FYB1: variants seen among roughly 807,000 people sequenced by gnomAD.
FYB1 encodes FYN-binding protein 1.
Under a neutral mutation model 94.1 loss-of-function variants are expected in FYB1, and 41 were observed. The ratio of observed to expected loss-of-function variants is 0.44; its 90% CI spans 0.34 to 0.57. The LOEUF is 0.57. Among genes scored for constraint, FYB1 ranks in the 20% least tolerant of loss-of-function variants. The pLI, the probability that FYB1 is intolerant of heterozygous loss-of-function variation, is 0.02. For missense variants in FYB1, 1,050 were observed against 976.8 expected (o/e 1.07, Z -1.00); for synonymous variants, 367 against 353.2 (o/e 1.04, Z -0.44).
At chr5:39,170,603 C>T (rs1332288573) in intron 2 of FYB1, among the ~76,000 whole-genome samples, 1 of 152,208 alleles carries the variant, frequency 6.6e-6, no homozygotes, top group South Asian at 2.1e-4. Context: ...TATCTGGACT[C>T]TTAACAGTAG....
chr5:39,258,852 C>T (rs1752090902), intron 1 of FYB1, among the ~76,000 whole-genome samples: 1 of 152,082 alleles, frequency 6.6e-6, no homozygotes, highest in Non-Finnish European at 1.5e-5. Flanking sequence ...AGGCACAAGG[C>T]AATGAGTGAG....
chr5:39,153,300 G>T, intron 3 of FYB1, 148 bp downstream of exon 3: 1 of 929,384 alleles, frequency 1.1e-6, no homozygotes, highest in Non-Finnish European at 1.7e-6. Context: ...GGCCAGCTCG[G>T]CCAGCTCAGC....
At chr5:39,141,673 A>C (rs1742196956) in intron 3 of FYB1, among the ~76,000 whole-genome samples, 1 of 152,134 alleles carries the variant, frequency 6.6e-6, no homozygotes. Context: ...TTTGACATAA[A>C]ACCAATGATA....
chr5:39,191,106 T>C (rs1022199417), intron 2 of FYB1, among the ~76,000 whole-genome samples: 1 of 152,158 alleles, frequency 6.6e-6, no homozygotes, highest in African/African-American at 2.4e-5. Flanking sequence ...TACTCAAACA[T>C]GGTATGGATG....
chr5:39,244,218 C>G (rs1010855716), intron 1 of FYB1, among the ~76,000 whole-genome samples: 4 of 152,018 alleles, frequency 2.6e-5, no homozygotes, highest in Non-Finnish European at 5.9e-5. Context: ...CTGTCTTGTG[C>G]CAGTTTTCAA....
chr5:39,119,142 A>G lies in FYB1; in HGVS notation c.2239-106T>C, dbSNP rs16868122. The G allele has an allele frequency of 0.014, 7,539 of 540,784 alleles. 487 individuals carry two copies. The highest frequency in any genetic ancestry group is 0.13 in the African/African-American group (6,764 of 51,046). 33.5% of individuals were successfully genotyped at this position (540,784 alleles called of 1,614,324 possible). On this transcript the variant is annotated intron_variant, in intron 15 of 18. Transcript: ENST00000512982. ...AAGTTATTTGCTAAAGAGATAATTCAGTGTTTTCGAAATATAATGTAGGAA... is the reference window on the plus strand; with the variant it reads ...AAGTTATTTGCTAAAGAGATAATTCGGTGTTTTCGAAATATAATGTAGGAA...
rs554637195 is a variant in FYB1, at chr5:39,162,101, G to GTTGT, written c.1136-8501_1136-8498dup. On this transcript the variant is annotated intron_variant, in intron 2 of 18. Coordinates refer to ENST00000512982, the MANE Select transcript of FYB1 (RefSeq NM_001465.6). ...CATTCATCAGTTGATGAACATTTAA[G>GTTGT]TTGTTTCTATCTTCTGCCTGTTATA... 2.2e-3 allele frequency among the ~76,000 whole-genome samples: 334 copies of GTTGT among 152,208 alleles called. 2 individuals carry two copies. The highest frequency in any genetic ancestry group is 1.9e-3 in the Non-Finnish European group (130 of 68,004).
At chr5:39,250,900 A>T (rs1484146031) in intron 1 of FYB1, 1 of 152,228 alleles carries the variant, frequency 6.6e-6, no homozygotes, top group Non-Finnish European at 1.5e-5. Context: ...ACCATTCTTC[A>T]TACATACAAA....
In FYB1 at chr5:39,141,277, C is replaced by T; in HGVS notation, c.1293-136G>A. 3.0e-6 allele frequency: 2 copies of T among 663,316 alleles called. 1 individual carries two copies. The highest frequency in any genetic ancestry group is 3.8e-5 in the South Asian group (2 of 52,138). The allele number at this position is 663,316 out of a possible 1,614,324, so 41.1% of individuals were successfully genotyped here. On this transcript the variant is annotated intron_variant, in intron 3 of 18. Coordinates refer to ENST00000512982, the MANE Select transcript of FYB1 (RefSeq NM_001465.6). ...CTCTGATTTAAAGCTTCAGACATCA[C>T]TAGCATAGGCTTTAGCCTTATACTT... is the stretch of plus-strand genomic sequence containing the variant.
At chr5:39,219,600 C>G, upstream of FYB1, 2 of 985,288 alleles carry the variant, frequency 2.0e-6, no homozygotes, top group Non-Finnish European at 1.2e-6. Flanking sequence ...TTGTCCCGGT[C>G]AGTGGTTGAG....
At chr5:39,237,464 C>A (rs544158070) in intron 1 of FYB1, among the ~76,000 whole-genome samples, 3 of 151,980 alleles carry the variant, frequency 2.0e-5, no homozygotes, top group South Asian at 2.1e-4. Context: ...AACATTCTAA[C>A]CTTCATCAAG....
chr5:39,231,170 A>C (rs1367597269), intron 1 of FYB1, among the ~76,000 whole-genome samples: 1 of 135,704 alleles, frequency 7.4e-6, no homozygotes, highest in Non-Finnish European at 1.5e-5. Context: ...AACAAAAAAA[A>C]ACAAAAAAAA....
Position 39,202,321 on chromosome 5 carries a change from T to C in FYB1, c.640A>G (p.Ser214Gly). The C allele has an allele frequency of 6.2e-7, 1 of 1,613,832 alleles. No individual in the cohort carries two copies. Among genetic ancestry groups the C allele is most frequent in the Non-Finnish European group, 8.5e-7 (1 of 1,179,838 alleles). Residue 214 changes from serine to glycine, a missense_variant, in exon 2 of 19, where the codon AGC (serine) becomes GGC (glycine). Ser to Gly is a moderately conservative substitution (Grantham distance 56). Coordinates refer to ENST00000512982, the MANE Select transcript of FYB1 (RefSeq NM_001465.6). ...LSTENSHEDESPMKNVSSSKG... is the reference protein window; with the variant it reads ...LSTENSHEDEGPMKNVSSSKG... ...GATGAAGACACATTCTTCATGGGGC[T>C]TTCGTCTTCATGGGAGTTCTCGGTA...
At chr5:39,259,396 G>A (rs1752123854) in intron 1 of FYB1, among the ~76,000 whole-genome samples, 1 of 152,210 alleles carries the variant, frequency 6.6e-6, no homozygotes, top group Admixed American at 6.5e-5. Flanking sequence ...GAATTACTGT[G>A]GGCCTGAATC....
At chr5:39,201,791 A>C (rs1489426831) in intron 2 of FYB1, 35 bp downstream of exon 2, 1 of 1,567,318 alleles carries the variant, frequency 6.4e-7, no homozygotes, top group Non-Finnish European at 8.7e-7. Flanking sequence ...CCTTGGAGTA[A>C]ACCATACTGA....
intron 18 of FYB1, among the ~76,000 whole-genome samples, 200 bp from the exon 19 acceptor site, chr5:39,107,665 C>T (rs942789061): frequency 1.3e-5 from 2 of 151,794 alleles, no homozygotes; most frequent in Non-Finnish European, 2.9e-5. Context: ...AACAAAATTT[C>T]TGGACAGATT....
intron 2 of FYB1, among the ~76,000 whole-genome samples, chr5:39,155,534 T>C (rs2150363646): frequency 6.6e-6 from 1 of 152,344 alleles, no homozygotes; most frequent in East Asian, 1.9e-4. Context: ...TTTTTGGATA[T>C]ATCAGACTTT....
chr5:39,226,769 T>C (rs757575955), intron 1 of FYB1, among the ~76,000 whole-genome samples: 1 of 152,168 alleles, frequency 6.6e-6, no homozygotes, highest in Non-Finnish European at 1.5e-5. Flanking sequence ...GATTCCAGAT[T>C]TAGTAGGTTT....
intron 2 of FYB1, among the ~76,000 whole-genome samples, chr5:39,190,785 TGTGTGTGA>T (rs989762529): frequency 6.6e-6 from 1 of 151,734 alleles, no homozygotes; most frequent in African/African-American, 2.4e-5. Flanking sequence ...TGTGTGTGTG[TGTGTGTGA>T]GAGAGAGATG....
Sources: allele counts gnomAD v4.1 joint callset (sites outside exome capture counted in the v4.1 genomes callset), GRCh38; gene constraint gnomAD v4.1.1; transcripts MANE v1.5; gene names NCBI Gene and HGNC (gene_info 2026-07-23, HGNC 2026-07-21).